The following HDAC4 variants were observed in gnomAD, a reference collection of about 807,000 sequenced individuals.
HDAC4 encodes histone deacetylase 4.
Under a neutral mutation model 135.1 loss-of-function variants are expected in HDAC4, and 16 were observed. That is an observed-to-expected ratio of 0.12 (90% CI 0.08 to 0.18). HDAC4 has a LOEUF of 0.18. Ranked by LOEUF, HDAC4 falls within the 10% of genes least tolerant of loss-of-function variation. The pLI is 1.00. For synonymous variants in HDAC4, 685 were observed against 653.4 expected, an observed-to-expected ratio of 1.05 and a Z score of -0.74; for missense variants, 1,143 against 1,511.8, an observed-to-expected ratio of 0.76 and a Z score of 4.05.
intron 3 of HDAC4, among the ~76,000 whole-genome samples, chr2:239,202,009 G>C (rs1339026574): frequency 2.0e-5 from 3 of 152,172 alleles, no homozygotes; most frequent in African/African-American, 7.2e-5. Flanking sequence ...CAGTTGGCAG[G>C]ATCTTTCCCC....
At chr2:239,391,897 T>G (rs913449057) in intron 1 of HDAC4, among the ~76,000 whole-genome samples, 99 of 119,164 alleles carry the variant, frequency 8.3e-4, no homozygotes, top group African/African-American at 2.5e-3. Context: ...AAAACAGAAC[T>G]TCGTCAGAAC....
chr2:239,257,240 C>CAA lies in HDAC4; in HGVS notation c.23-20578_23-20577dup, dbSNP rs34115531. Among the ~76,000 whole-genome samples the CAA allele has an allele frequency of 9.7e-4, 132 of 136,684 alleles. 1 individual carries two copies. Among genetic ancestry groups the CAA allele is most frequent in the African/African-American group, 1.9e-3 (69 of 36,288 alleles). 89.7% of individuals were successfully genotyped at this position (136,684 alleles called of 152,430 possible). A position where few individuals can be genotyped will look rare whatever the true frequency, so the allele number is the denominator to read the frequency against. ...ATGACTGCTTCAAAAAACACAAGTG[C>CAA]AAAAAAAAAAAGAAAAAAGGTGAAA... On this transcript the variant is annotated intron_variant, in intron 2 of 26. Coordinates refer to ENST00000543185, the MANE Select transcript of HDAC4 (RefSeq NM_001378414.1).
intron 7 of HDAC4, among the ~76,000 whole-genome samples, chr2:239,150,075 G>A (rs577388378): frequency 2.0e-4 from 30 of 152,220 alleles, no homozygotes; most frequent in Non-Finnish European, 3.1e-4. Context: ...AGAGAAAGGC[G>A]TTGAGCTTCA....
At position 239,400,964 on chromosome 2, in the gene HDAC4, A is replaced by G. The variant is rs1188757204; in HGVS notation, c.-220+14T>C. 1 of 152,050 alleles carries G rather than the reference A, an allele frequency of 6.6e-6. No individual in the cohort carries two copies. Among genetic ancestry groups the G allele is most frequent in the Non-Finnish European group, 1.5e-5 (1 of 67,740 alleles). The allele number at this position is 152,050 out of a possible 1,614,324, so 9.4% of individuals were successfully genotyped here. A position where few individuals can be genotyped will look rare whatever the true frequency, so the allele number is the denominator to read the frequency against. On this transcript the variant is annotated intron_variant, in intron 1 of 26. Transcript: ENST00000543185. This position sits in a 1 kb window ranked among gnomAD's most constrained non-coding sequence, Gnocchi z 4.7. The stretch of plus-strand genomic sequence containing the variant: ...CCACAACCTCCCCTCCTCATTCACA[A>G]AAAATTGACCCACGTTGAACCATGA...
intron 2 of HDAC4, among the ~76,000 whole-genome samples, chr2:239,291,860 C>G: frequency 6.6e-6 from 1 of 152,294 alleles, no homozygotes; most frequent in Middle Eastern, 3.4e-3. Flanking sequence ...GCCTTCTCCC[C>G]GGGAGCCGCC....
chr2:239,394,157 C>T (rs1696412448), intron 1 of HDAC4, among the ~76,000 whole-genome samples: 1 of 152,200 alleles, frequency 6.6e-6, no homozygotes, highest in East Asian at 1.9e-4. Flanking sequence ...CTGGTTCAGA[C>T]TTTCAGGTCC....
intron 2 of HDAC4, among the ~76,000 whole-genome samples, chr2:239,337,710 G>A (rs1382376086): frequency 2.0e-5 from 3 of 152,076 alleles, no homozygotes; most frequent in African/African-American, 7.2e-5. Flanking sequence ...ATACGGCGAC[G>A]GGGGAGACAG....
intron 2 of HDAC4, among the ~76,000 whole-genome samples, chr2:239,346,360 CATCTT>C: frequency 6.6e-6 from 1 of 150,778 alleles, no homozygotes; most frequent in South Asian, 2.1e-4. Context: ...CACATACACA[CATCTT>C]AACACACATC....
intron 3 of HDAC4, among the ~76,000 whole-genome samples, chr2:239,216,404 TGAG>T (rs2046641863): frequency 6.6e-6 from 1 of 152,050 alleles, no homozygotes; most frequent in Non-Finnish European, 1.5e-5. Context: ...CAACTGGCGA[TGAG>T]GAGGAAGACG....
chr2:239,267,853 T>C (rs1253871887), intron 2 of HDAC4, among the ~76,000 whole-genome samples: 1 of 152,262 alleles, frequency 6.6e-6, no homozygotes. Context: ...CCGCTTGCCA[T>C]TGTTCCCAGC....
intron 3 of HDAC4, among the ~76,000 whole-genome samples, chr2:239,223,629 G>A (rs1018498924): frequency 6.6e-6 from 1 of 152,110 alleles, no homozygotes; most frequent in African/African-American, 2.4e-5. Flanking sequence ...ACAGATGGGT[G>A]GCCTTGGTAA....
rs1452958562 is a variant in HDAC4 at position 239,052,614 on chromosome 2, AAAAT to A, written c.*479_*482del. ...CCGTAGAAAACGTCCTCTTTAAAAAAAAATAAGCTACAAGATGAGTCGAGTGGTT... is the reference window on the plus strand; with the variant it reads ...CCGTAGAAAACGTCCTCTTTAAAAAAAAGCTACAAGATGAGTCGAGTGGTT... On this transcript the variant is annotated 3_prime_UTR_variant, in exon 27 of 27. Coordinates refer to ENST00000543185, the MANE Select transcript of HDAC4 (RefSeq NM_001378414.1). 1 of 169,892 alleles carries A rather than the reference AAAAT, an allele frequency of 5.9e-6. No homozygotes were observed. The highest frequency in any genetic ancestry group is 2.4e-5 in the African/African-American group (1 of 41,910). 10.5% of individuals were successfully genotyped at this position (169,892 alleles called of 1,614,324 possible).
rs1261379927 is a variant in HDAC4 at position 239,054,689 on chromosome 2, T to TGTGGTGCAGTCCCACCCCCAGGGGC, written c.3088+35_3088+59dup. 6 of 1,026,602 alleles carry TGTGGTGCAGTCCCACCCCCAGGGGC rather than the reference T, an allele frequency of 5.8e-6. No individual in the cohort carries two copies. In the African/African-American group the frequency reaches 6.3e-5, roughly 11 times the overall value. The allele number at this position is 1,026,602 out of a possible 1,614,324, so 63.6% of individuals were successfully genotyped here. A position where few individuals can be genotyped will look rare whatever the true frequency, so the allele number is the denominator to read the frequency against. On this transcript the variant is annotated intron_variant, in intron 25 of 26. Coordinates refer to ENST00000543185, the MANE Select transcript of HDAC4 (RefSeq NM_001378414.1). ...GGGGTATAGGGGGACAGGGATGGGG[T>TGTGGTGCAGTCCCACCCCCAGGGGC]GTGGTGCAGTCCCACCCCCAGGGGC...
chr2:239,401,631 G>T, upstream of HDAC4: 3 of 250,198 alleles, frequency 1.2e-5, no homozygotes, highest in South Asian at 1.1e-4. Context: ...TCGCCGCGGC[G>T]TCCATCTTGG....
chr2:239,351,118 A>T (rs1176457217), intron 2 of HDAC4, among the ~76,000 whole-genome samples: 1 of 152,252 alleles, frequency 6.6e-6, no homozygotes, highest in African/African-American at 2.4e-5. Context: ...GCAATTTGAC[A>T]GTCAACCTAA....
chr2:239,116,161 C>A (rs934981492), intron 12 of HDAC4, among the ~76,000 whole-genome samples: 2 of 152,200 alleles, frequency 1.3e-5, no homozygotes, highest in African/African-American at 4.8e-5. Flanking sequence ...CCTGGGCCTG[C>A]TCCTCGGCTC....
At chr2:239,206,288 A>G (rs1378466356) in intron 3 of HDAC4, among the ~76,000 whole-genome samples, 1 of 152,188 alleles carries the variant, frequency 6.6e-6, no homozygotes, top group Non-Finnish European at 1.5e-5. Context: ...AGATTGCACC[A>G]CTGCACTCCA....
At chr2:239,343,862 A>C in intron 2 of HDAC4, among the ~76,000 whole-genome samples, 1 of 143,024 alleles carries the variant, frequency 7.0e-6, no homozygotes, top group South Asian at 2.2e-4. Flanking sequence ...CTACCTAAGC[A>C]CTCGATAGCA....
At chr2:239,090,880 G>A (rs2152724725) in intron 17 of HDAC4, among the ~76,000 whole-genome samples, 1 of 152,308 alleles carries the variant, frequency 6.6e-6, no homozygotes, top group East Asian at 1.9e-4. Flanking sequence ...GAAATGTAAG[G>A]GGAATCACGA....
Sources: allele counts gnomAD v4.1 joint callset (sites outside exome capture counted in the v4.1 genomes callset), GRCh38; gene constraint gnomAD v4.1.1; non-coding constraint Gnocchi (gnomAD v3.1); transcripts MANE v1.5; gene names NCBI Gene and HGNC (gene_info 2026-07-23, HGNC 2026-07-21).